The following CADM2 variants were observed in gnomAD, a reference collection of about 807,000 sequenced individuals.
The protein encoded by CADM2 is immunoglobulin superfamily member 4D.
In CADM2, 12 loss-of-function variants were observed where a neutral mutation model predicts 49.8. The observed-to-expected ratio is 0.24, with a 90% CI of 0.15 to 0.39. The LOEUF (loss-of-function observed/expected upper bound fraction) is 0.39. CADM2 is among the 10% of genes least tolerant of loss of function. CADM2 has a pLI of 1.00. For missense variants in CADM2, 378 were observed against 492.3 expected, an observed-to-expected ratio of 0.77 and a Z score of 2.20; for synonymous variants, 214 against 175.4, an observed-to-expected ratio of 1.22 and a Z score of -1.74.
intron 1 of CADM2, among the ~76,000 whole-genome samples, chr3:84,965,241 T>C (rs1198808876): frequency 6.6e-6 from 1 of 152,112 alleles, no homozygotes; most frequent in East Asian, 1.9e-4. Flanking sequence ...GCAAATTCCT[T>C]GTGTAAAGAG....
chr3:85,821,802 T>C (rs1407635646), intron 3 of CADM2, among the ~76,000 whole-genome samples: 1 of 152,160 alleles, frequency 6.6e-6, no homozygotes, highest in Non-Finnish European at 1.5e-5. Flanking sequence ...TACAATAAAA[T>C]GAATTACTAT....
In CADM2 at chr3:85,766,163, G is replaced by A. The variant is rs188720397; in HGVS notation, c.89-35884G>A. Among the ~76,000 whole-genome samples the A allele has an allele frequency of 3.2e-3, 491 of 152,188 alleles. 1 individual carries two copies. The highest frequency in any genetic ancestry group is 5.2e-3 in the Non-Finnish European group (356 of 67,978). On this transcript the variant is annotated intron_variant, in intron 2 of 9. Transcript: ENST00000383699. Reference sequence around the variant, plus strand: ...TACAAGGGCAATGCCTGTATTAATTGTGTCTATTTTACTTTAAAGTGTTCA... The same window carrying A: ...TACAAGGGCAATGCCTGTATTAATTATGTCTATTTTACTTTAAAGTGTTCA...
intron 1 of CADM2, among the ~76,000 whole-genome samples, chr3:85,567,012 G>T (rs2062283408): frequency 6.6e-6 from 1 of 152,060 alleles, no homozygotes; most frequent in African/African-American, 2.4e-5. Context: ...TCTTTAAAAA[G>T]ATTATATGTA....
At chr3:86,049,539 G>A (rs143551678) in intron 8 of CADM2, among the ~76,000 whole-genome samples, 5,241 of 152,098 alleles carry the variant, frequency 0.034, 179 homozygotes, top group African/African-American at 0.085. Flanking sequence ...AGGATTACAG[G>A]CGTGAGCCAC....
chr3:85,302,512 C>A (rs1385134699), intron 1 of CADM2, among the ~76,000 whole-genome samples: 1 of 152,028 alleles, frequency 6.6e-6, no homozygotes, highest in Admixed American at 6.6e-5. Flanking sequence ...ATCTTGAATA[C>A]TTTTAATCGT....
chr3:85,751,987 G>A (rs779965726), intron 2 of CADM2, among the ~76,000 whole-genome samples: 2 of 151,936 alleles, frequency 1.3e-5, no homozygotes, highest in Non-Finnish European at 2.9e-5. Context: ...ATCAAAAAGG[G>A]CCCTAGCACA....
chr3:85,567,428 G>A (rs2062298634), intron 1 of CADM2, among the ~76,000 whole-genome samples: 1 of 152,072 alleles, frequency 6.6e-6, no homozygotes, highest in Non-Finnish European at 1.5e-5. Context: ...AATTCTGTTT[G>A]TAATAGAGCA....
At chr3:85,419,256 C>A (rs894973366) in intron 1 of CADM2, among the ~76,000 whole-genome samples, 1 of 151,730 alleles carries the variant, frequency 6.6e-6, no homozygotes, top group South Asian at 2.1e-4. Flanking sequence ...GAGATCAAGA[C>A]CATCCTGGCT....
intron 2 of CADM2, among the ~76,000 whole-genome samples, chr3:85,792,454 T>C: frequency 6.6e-6 from 1 of 152,238 alleles, no homozygotes; most frequent in East Asian, 1.9e-4. Flanking sequence ...TTTTAGGAAC[T>C]AAAGAATAGT....
At chr3:85,901,390 C>T (rs1038890684) in intron 5 of CADM2, among the ~76,000 whole-genome samples, 5 of 152,074 alleles carry the variant, frequency 3.3e-5, no homozygotes, top group Non-Finnish European at 7.3e-5. Context: ...GTATAGATTA[C>T]AGTTGGATCA....
intron 8 of CADM2, chr3:85,993,677 A>T (rs1469230090): frequency 6.6e-6 from 1 of 152,168 alleles, no homozygotes; most frequent in Non-Finnish European, 1.5e-5. Flanking sequence ...TACAGAATGG[A>T]TGTTGTGTTT....
At chr3:85,116,508 G>A (rs1316927465) in intron 1 of CADM2, among the ~76,000 whole-genome samples, 1 of 152,108 alleles carries the variant, frequency 6.6e-6, no homozygotes, top group African/African-American at 2.4e-5. Context: ...TTAATAAAAA[G>A]TGATATTGTT....
At position 85,059,197 on chromosome 3, in the gene CADM2, C is replaced by T. The variant is rs527844837; in HGVS notation, c.61+99529C>T. Among the ~76,000 whole-genome samples, 12 of 151,712 alleles carry T rather than the reference C, an allele frequency of 7.9e-5. No homozygotes were observed. In the East Asian group the frequency reaches 2.2e-3, roughly 27 times the overall value. ...GAGCTTGCAGTGAGCCGAGATCGCG[C>T]CACTGCACTCCAGCCTGAGTGACAG... On this transcript the variant is annotated intron_variant, in intron 1 of 9. Transcript: ENST00000383699.
intron 1 of CADM2, among the ~76,000 whole-genome samples, chr3:85,625,845 T>C (rs1047745028): frequency 6.6e-6 from 1 of 152,024 alleles, no homozygotes; most frequent in Non-Finnish European, 1.5e-5. Flanking sequence ...ATTTTAAAAC[T>C]ATTTGTATGT....
intron 1 of CADM2, among the ~76,000 whole-genome samples, chr3:85,467,114 A>G (rs1176296153): frequency 6.6e-6 from 1 of 152,196 alleles, no homozygotes; most frequent in Non-Finnish European, 1.5e-5. Flanking sequence ...TACAAGAGAT[A>G]TAGTTTTATT....
At chr3:85,951,376 A>T (rs562423237) in intron 7 of CADM2, among the ~76,000 whole-genome samples, 32 of 151,028 alleles carry the variant, frequency 2.1e-4, no homozygotes, top group African/African-American at 7.3e-4. Flanking sequence ...GTTGTTTAAG[A>T]GTTTACTTCA....
At chr3:85,153,442 C>T (rs574282844) in intron 1 of CADM2, among the ~76,000 whole-genome samples, 59 of 152,326 alleles carry the variant, frequency 3.9e-4, no homozygotes, top group Admixed American at 9.1e-4. Context: ...CCCATGCCAA[C>T]GGAGTCTCAC....
chr3:85,573,149 C>T (rs1290033293), intron 1 of CADM2, among the ~76,000 whole-genome samples: 5 of 149,380 alleles, frequency 3.3e-5, no homozygotes, highest in Admixed American at 6.8e-5. Flanking sequence ...TATATAAAAA[C>T]GTGCTTATTT....
At chr3:84,979,891 T>C (rs1018786203) in intron 1 of CADM2, among the ~76,000 whole-genome samples, 1 of 152,142 alleles carries the variant, frequency 6.6e-6, no homozygotes, top group Non-Finnish European at 1.5e-5. Context: ...GTAAGAGAAC[T>C]GAAGGACTTC....
Sources: allele counts gnomAD v4.1 joint callset (sites outside exome capture counted in the v4.1 genomes callset), GRCh38; gene constraint gnomAD v4.1.1; transcripts MANE v1.5; gene names NCBI Gene and HGNC (gene_info 2026-07-23, HGNC 2026-07-21).